The following NBEA variants were observed in gnomAD, a reference collection of about 807,000 sequenced individuals.
The protein encoded by NBEA is lysosomal-trafficking regulator 2.
NBEA carries 44 observed loss-of-function variants against 343.4 expected under a neutral mutation model. The observed-to-expected ratio is 0.13, with a 90% CI of 0.10 to 0.16. The LOEUF is 0.16. NBEA is among the 10% of genes least tolerant of loss of function. The probability of loss-of-function intolerance (pLI) is 1.00; values close to 1 mark genes in which losing one functional copy is unlikely to be tolerated. For missense variants in NBEA, 2,555 were observed against 3,631.3 expected, an observed-to-expected ratio of 0.70 and a Z score of 7.62; for synonymous variants, 1,175 against 1,238.7, an observed-to-expected ratio of 0.95 and a Z score of 1.08.
In NBEA at chr13:35,157,072, C is replaced by T; in HGVS notation, c.2652-6C>T. The T allele has an allele frequency of 6.5e-7, 1 of 1,530,804 alleles. No individual in the cohort carries two copies. The highest frequency in any genetic ancestry group is 8.8e-7 in the Non-Finnish European group (1 of 1,140,614). 94.8% of individuals were successfully genotyped at this position (1,530,804 alleles called of 1,614,324 possible). A position where few individuals can be genotyped will look rare whatever the true frequency, so the allele number is the denominator to read the frequency against. On this transcript the variant is annotated splice_polypyrimidine_tract_variant and splice_region_variant and intron_variant, in intron 20 of 58. Coordinates refer to ENST00000379939, the MANE Select transcript of NBEA (RefSeq NM_001385012.1). ...TTTTAATGAGATCAAATTTTTTTCT[C>T]CCTAGATGCTTATTGCAGTGTTCAG...
chr13:35,344,343 C>G, intron 36 of NBEA, among the ~76,000 whole-genome samples: 1 of 148,924 alleles, frequency 6.7e-6, no homozygotes, highest in East Asian at 2.0e-4. Flanking sequence ...TCTCTAACTG[C>G]AAAAAAAAAT....
At chr13:35,236,651 T>G (rs2075250857) in intron 34 of NBEA, among the ~76,000 whole-genome samples, 2 of 150,020 alleles carry the variant, frequency 1.3e-5, no homozygotes, top group Admixed American at 6.7e-5. Context: ...AGAGATGGGG[T>G]TTCACTGTGT....
Position 35,363,700 on chromosome 13 carries a change from A to G in NBEA, c.6179+11377A>G, listed in dbSNP as rs568219897. Among the ~76,000 whole-genome samples the G allele has an allele frequency of 3.3e-5, 5 of 152,046 alleles. No individual in the cohort carries two copies. The East Asian group carries it at 9.7e-4, about 29-fold the overall frequency. On this transcript the variant is annotated intron_variant, in intron 38 of 58. Coordinates refer to ENST00000379939, the MANE Select transcript of NBEA (RefSeq NM_001385012.1). ...TGGATTCCCTGGCTTCCCTTTCTAG[A>G]ACCATCCTAAAACATCTATCCGATT...
chr13:35,031,687 T>C (rs1425440071), intron 1 of NBEA, among the ~76,000 whole-genome samples: 1 of 151,628 alleles, frequency 6.6e-6, no homozygotes, highest in African/African-American at 2.4e-5. Flanking sequence ...TGAAGGTTTG[T>C]TACATAGGTA....
At position 35,606,533 on chromosome 13, in the gene NBEA, C is replaced by G; in HGVS notation, c.7404C>G (p.Pro2468=). Reference sequence around the variant, plus strand: ...TAGTGGTAAATGATGTTGATCTTCCCCCTTGGGCAAAAAAACCTGAAGACT... The same window carrying G: ...TAGTGGTAAATGATGTTGATCTTCCGCCTTGGGCAAAAAAACCTGAAGACT... The part of the protein sequence containing the change: ...DEVVVNDVDL[P]PWAKKPEDFV... The change falls in exon 48 of 59, where the codon CCC becomes CCG. Residue 2468 remains proline, a synonymous_variant. Transcript: ENST00000379939. The G allele has an allele frequency of 6.2e-7, 1 of 1,607,126 alleles. No individual in the cohort carries two copies. The highest frequency in any genetic ancestry group is 8.5e-7 in the Non-Finnish European group (1 of 1,175,702).
intron 36 of NBEA, among the ~76,000 whole-genome samples, chr13:35,315,539 A>G (rs2037657894): frequency 6.6e-6 from 1 of 152,198 alleles, no homozygotes; most frequent in Non-Finnish European, 1.5e-5. Flanking sequence ...ACAGAATTTG[A>G]GTGATCTTTT....
chr13:35,284,918 G>A (rs2035319431), intron 34 of NBEA, among the ~76,000 whole-genome samples: 1 of 152,100 alleles, frequency 6.6e-6, no homozygotes, highest in Non-Finnish European at 1.5e-5. Flanking sequence ...GAGTCTAAAA[G>A]ACACTCATTA....
chr13:35,330,283 A>G (rs191760424), intron 36 of NBEA, among the ~76,000 whole-genome samples: 25 of 152,224 alleles, frequency 1.6e-4, no homozygotes, highest in Admixed American at 2.6e-4. Flanking sequence ...TCAGTTCTCA[A>G]TGTTTCTGGA....
At chr13:35,331,581 T>C (rs2038929356) in intron 36 of NBEA, among the ~76,000 whole-genome samples, 1 of 152,070 alleles carries the variant, frequency 6.6e-6, no homozygotes, top group Non-Finnish European at 1.5e-5. Flanking sequence ...AAATTGTTTA[T>C]ATTTAAAATG....
At chr13:35,324,800 G>A (rs984571977) in intron 36 of NBEA, among the ~76,000 whole-genome samples, 9 of 152,006 alleles carry the variant, frequency 5.9e-5, no homozygotes, top group African/African-American at 2.2e-4. Context: ...TATTTCATTG[G>A]GCAATAATGA....
At chr13:35,500,711 CTT>C (rs2076853046) in intron 41 of NBEA, among the ~76,000 whole-genome samples, 2 of 17,110 alleles carry the variant, frequency 1.2e-4, no homozygotes, top group African/African-American at 2.4e-4. Flanking sequence ...TTTCCTGGCT[CTT>C]CTTTTTTTTT....
intron 55 of NBEA, among the ~76,000 whole-genome samples, chr13:35,661,228 A>T (rs894214830): frequency 9.2e-5 from 14 of 152,316 alleles, no homozygotes; most frequent in Admixed American, 8.5e-4. Flanking sequence ...CTTTACGCAG[A>T]GCCCAGCTTC....
Position 35,155,764 on chromosome 13 carries a change from C to A in NBEA, c.2446-10C>A. On this transcript the variant is annotated splice_polypyrimidine_tract_variant and intron_variant, in intron 18 of 58. Transcript: ENST00000379939. ...TTTTCTAAATGAAGTTCAAATTCTT[C>A]ATTTTTCAGATCTTGACAGAACAAG... 1 of 1,589,616 alleles carries A rather than the reference C, an allele frequency of 6.3e-7. No homozygotes were observed. The highest frequency in any genetic ancestry group is 1.1e-5 in the South Asian group (1 of 90,298).
chr13:35,550,179 C>T (rs192094954), intron 41 of NBEA, among the ~76,000 whole-genome samples: 25 of 152,272 alleles, frequency 1.6e-4, no homozygotes, highest in African/African-American at 4.6e-4. Context: ...ATATGTCTCA[C>T]AGGTGGTCAC....
intron 31 of NBEA, among the ~76,000 whole-genome samples, chr13:35,200,037 C>A (rs2072907872): frequency 6.6e-6 from 1 of 151,956 alleles, no homozygotes. Context: ...AGAGGAAATA[C>A]AATCATAAAA....
At chr13:35,509,208 G>A (rs2152985486) in intron 41 of NBEA, among the ~76,000 whole-genome samples, 1 of 152,306 alleles carries the variant, frequency 6.6e-6, no homozygotes, top group East Asian at 1.9e-4. Context: ...CCAGCTGGTA[G>A]CTGGCTGGTA....
chr13:35,071,617 T>A (rs1210441041), intron 10 of NBEA, among the ~76,000 whole-genome samples: 1 of 152,024 alleles, frequency 6.6e-6, no homozygotes, highest in Non-Finnish European at 1.5e-5. Context: ...CATTAATTTT[T>A]ATTCCAAAAG....
intron 47 of NBEA, among the ~76,000 whole-genome samples, chr13:35,603,022 A>T (rs978107222): frequency 1.1e-4 from 17 of 152,208 alleles, no homozygotes; most frequent in Admixed American, 1.0e-3. Flanking sequence ...GCTATTTTAT[A>T]CTTTTGAGCC....
intron 49 of NBEA, among the ~76,000 whole-genome samples, chr13:35,631,920 T>C (rs1410438139): frequency 6.6e-6 from 1 of 152,222 alleles, no homozygotes; most frequent in Non-Finnish European, 1.5e-5. Flanking sequence ...ACTTATTTTA[T>C]ACTTGTAAAG....
Sources: allele counts gnomAD v4.1 joint callset (sites outside exome capture counted in the v4.1 genomes callset), GRCh38; gene constraint gnomAD v4.1.1; transcripts MANE v1.5; gene names NCBI Gene and HGNC (gene_info 2026-07-23, HGNC 2026-07-21).